ADAMTS7: variants seen among roughly 807,000 people sequenced by gnomAD.
The protein encoded by ADAMTS7 is ADAM metallopeptidase with thrombospondin type 1 motif 7.
Under a neutral mutation model 172.6 loss-of-function variants are expected in ADAMTS7, and 89 were observed. The observed-to-expected ratio is 0.52, with a 90% CI of 0.43 to 0.61. The LOEUF (loss-of-function observed/expected upper bound fraction) is 0.61. ADAMTS7 is among the 20% of genes least tolerant of loss of function. ADAMTS7 has a pLI of 0.00. For missense variants in ADAMTS7, 1,973 were observed against 2,355.6 expected, an observed-to-expected ratio of 0.84 and a Z score of 3.36; for synonymous variants, 885 against 978.4, an observed-to-expected ratio of 0.90 and a Z score of 1.78.
At chr15:78,800,601 T>C in intron 1 of ADAMTS7, 54 bp from the exon 2 acceptor site, 3 of 1,529,644 alleles carry the variant, frequency 2.0e-6, no homozygotes, top group Non-Finnish European at 2.7e-6. Context: ...GGGTCCTTGC[T>C]GGTGGCCGGG....
At chr15:78,784,184 C>T (rs546332308) in intron 8 of ADAMTS7, among the ~76,000 whole-genome samples, 65 of 151,838 alleles carry the variant, frequency 4.3e-4, no homozygotes, top group Admixed American at 4.3e-3. Context: ...ACGGCAAAAC[C>T]CCATCTCTAG....
chr15:78,759,730 G>A, intron 23 of ADAMTS7, 152 bp from the exon 24 acceptor site: 1 of 1,011,426 alleles, frequency 9.9e-7, no homozygotes, highest in Admixed American at 3.1e-5. Flanking sequence ...GGAGTTGCAG[G>A]TCTCCAACTG....
At chr15:78,795,462 G>C (rs1338489877) in intron 4 of ADAMTS7, among the ~76,000 whole-genome samples, 3 of 152,202 alleles carry the variant, frequency 2.0e-5, no homozygotes, top group Admixed American at 2.0e-4. Flanking sequence ...AGCAGGTAGA[G>C]ATAACAGCCC....
chr15:78,786,937 G>T (rs1326498136), intron 8 of ADAMTS7, among the ~76,000 whole-genome samples: 1 of 152,022 alleles, frequency 6.6e-6, no homozygotes, highest in Non-Finnish European at 1.5e-5. Flanking sequence ...ACATGAAGAG[G>T]ATGAGGATCC....
At position 78,776,760 on chromosome 15, in the gene ADAMTS7, C is replaced by G; in HGVS notation, c.1549G>C (p.Gly517Arg). 2 of 1,550,764 alleles carry G rather than the reference C, an allele frequency of 1.3e-6. No individual in the cohort carries two copies. Among genetic ancestry groups the G allele is most frequent in the Non-Finnish European group, 1.7e-6 (2 of 1,146,094 alleles). Residue 517 changes from glycine (G) to arginine (R), a missense_variant, in exon 10 of 24, where the codon GGG becomes CGG. Coordinates refer to ENST00000388820, the MANE Select transcript of ADAMTS7 (RefSeq NM_014272.5). Reference protein sequence around the residue: ...LDAAVDGTRCGENKWCLSGEC... With the variant: ...LDAAVDGTRCRENKWCLSGEC... ...GGGACATCCCCTACCTTATTCTCCC[C>G]ACACCGGGTGCCGTCCACAGCTGCA...
chr15:78,810,427 A>C (rs1220590034), intron 1 of ADAMTS7: 1 of 152,216 alleles, frequency 6.6e-6, no homozygotes, highest in South Asian at 2.1e-4. Context: ...GCCGCCAAAC[A>C]AGAGTCTGGA....
chr15:78,768,837 C>A (rs1052774522), intron 16 of ADAMTS7, among the ~76,000 whole-genome samples: 8 of 149,820 alleles, frequency 5.3e-5, no homozygotes, highest in Admixed American at 2.0e-4. Flanking sequence ...CCAGGCTGGC[C>A]CAGGCTGGGG....
At chr15:78,807,153 C>T (rs1381013104) in intron 1 of ADAMTS7, among the ~76,000 whole-genome samples, 1 of 152,138 alleles carries the variant, frequency 6.6e-6, no homozygotes, top group Non-Finnish European at 1.5e-5. Context: ...AGCTGAAGGT[C>T]AGGGGGGCAC....
intron 1 of ADAMTS7, among the ~76,000 whole-genome samples, chr15:78,800,853 A>T (rs1279176028): frequency 9.2e-5 from 14 of 152,050 alleles, no homozygotes; most frequent in African/African-American, 3.4e-4. Flanking sequence ...GCTCACTGCA[A>T]CCTCCACCTC....
chr15:78,777,634 C>T (rs1301490607), intron 8 of ADAMTS7, 46 bp from the exon 9 acceptor site: 2 of 1,572,408 alleles, frequency 1.3e-6, no homozygotes, highest in East Asian at 2.3e-5. Flanking sequence ...CCTGTGAGAC[C>T]CATCGGAGAA....
chr15:78,798,087 C>G lies in ADAMTS7; in HGVS notation c.483G>C (p.Glu161Asp), dbSNP rs1219037853. The G allele has an allele frequency of 1.3e-6, 2 of 1,559,896 alleles. No individual in the cohort carries two copies. The highest frequency in any genetic ancestry group is 1.7e-6 in the Non-Finnish European group (2 of 1,160,900). The change falls in exon 3 of 24, where the codon GAG becomes GAC. Residue 161 changes from glutamate (E) to aspartate (D), a missense_variant. Physicochemically the swap from Glu to Asp is conservative, Grantham distance 45. Transcript: ENST00000388820. ...TGTCCAGGGGCTCAATGAAGTAGTCCTCGTTGGAGAGCTGGAACACACCTT... is the reference window on the plus strand; with the variant it reads ...TGTCCAGGGGCTCAATGAAGTAGTCGTCGTTGGAGAGCTGGAACACACCTT... The part of the protein sequence containing the change: ...GLKGVFQLSN[E>D]DYFIEPLDSA...
At position 78,777,579 on chromosome 15, in the gene ADAMTS7, C is replaced by T; in HGVS notation, c.1332G>A (p.Trp444Ter). Residue 444 changes from tryptophan (W) to a stop codon, truncating the protein, a stop_gained, in exon 9 of 24, where the codon TGG becomes TGA. Transcript: ENST00000388820. LOFTEE classifies it high-confidence loss of function. The part of the protein sequence containing the change: ...QYITRFLDRG[W>*]GLCLDDPPAK... ...CAGGAGGGTCGTCCAGGCACAGGCC[C>T]CACCCACGGCTAAAGATGGGACGGG... 6.2e-7 allele frequency: 1 copy of T among 1,604,948 alleles called. No individual in the cohort carries two copies. The highest frequency in any genetic ancestry group is 1.1e-5 in the South Asian group (1 of 89,306).
At chr15:78,775,039 CGTGG>C (rs1436468389) in intron 11 of ADAMTS7, among the ~76,000 whole-genome samples, 1 of 152,182 alleles carries the variant, frequency 6.6e-6, no homozygotes, top group Non-Finnish European at 1.5e-5. Context: ...ACAGTGTGAC[CGTGG>C]GCAAGTCTTC....
chr15:78,766,745 C>A lies in ADAMTS7; in HGVS notation c.3166G>T (p.Gly1056Trp), dbSNP rs2055161453. The A allele has an allele frequency of 1.2e-6, 2 of 1,610,564 alleles. No individual in the cohort carries two copies. The highest frequency in any genetic ancestry group is 1.7e-5 in the Admixed American group (1 of 60,004). ...TAGAAGTCGTCCACAAACACGGGCC[C>A]CGGCAGGTCCAGCTCTGGAGCCTCC... ...EEEAPELDLP[G>W]PVFVDDFYYD... The change falls in exon 19 of 24, where the codon GGG becomes TGG. Residue 1056 changes from glycine to tryptophan, a missense_variant. By Grantham distance (184) the Gly-to-Trp change is radical. Transcript: ENST00000388820.
At chr15:78,783,850 G>A (rs2055465482) in intron 8 of ADAMTS7, among the ~76,000 whole-genome samples, 1 of 151,902 alleles carries the variant, frequency 6.6e-6, no homozygotes, top group Admixed American at 6.6e-5. Context: ...TCAGATTTTG[G>A]ACTTTCAGAC....
rs780173798 is a variant in ADAMTS7, at chr15:78,789,763, C to T, written c.1104G>A (p.Pro368=). The change falls in exon 7 of 24, where the codon CCG becomes CCA. Residue 368 remains proline, a synonymous_variant. Transcript: ENST00000388820. ...GLSHVAGMCQ[P]HRSCSINEDT... ...CCTCGTTGATGCTGCAGCTGCGGTG[C>T]GGCTGGCACATGCCCGCCACATGGG... 1.6e-5 allele frequency: 25 copies of T among 1,609,938 alleles called. No individual in the cohort carries two copies. The South Asian group carries it at 1.7e-4, about 11-fold the overall frequency.
intron 8 of ADAMTS7, among the ~76,000 whole-genome samples, chr15:78,779,087 T>C (rs1471434909): frequency 1.3e-5 from 2 of 152,164 alleles, no homozygotes; most frequent in Admixed American, 6.5e-5. Flanking sequence ...CCCCCGGCCC[T>C]GCCCAGAGCT....
rs1479205325 is a variant in ADAMTS7, at chr15:78,800,488, C to T, written c.160G>A (p.Gly54Arg). The T allele has an allele frequency of 1.2e-6, 2 of 1,609,620 alleles. No homozygotes were observed. The highest frequency in any genetic ancestry group is 1.7e-6 in the Non-Finnish European group (2 of 1,178,634). ...DIVHPVRVDA[G>R]GSFLSYELWP... ...AGCTCGTAGGACAGGAAGGAGCCCC[C>T]CGCGTCGACTCGAACCGGGTGCACG... The change falls in exon 2 of 24, where the codon GGG becomes AGG. Residue 54 changes from glycine to arginine, a missense_variant. By Grantham distance (125) the Gly-to-Arg change is moderately radical. Transcript: ENST00000388820.
Position 78,777,602 on chromosome 15 carries a change from G to A in ADAMTS7, c.1323-14C>T, listed in dbSNP as rs375910173. The A allele has an allele frequency of 2.8e-5, 45 of 1,598,316 alleles. 1 individual carries two copies. The highest frequency in any genetic ancestry group is 6.7e-5 in the African/African-American group (5 of 74,662). On this transcript the variant is annotated splice_polypyrimidine_tract_variant and intron_variant, in intron 8 of 23. Transcript: ENST00000388820. Reference sequence around the variant, plus strand: ...CCCCACCCACGGCTAAAGATGGGACGGGAGGATGGAGGGGGGCGCAGCCTG... The same window carrying A: ...CCCCACCCACGGCTAAAGATGGGACAGGAGGATGGAGGGGGGCGCAGCCTG...
Sources: gnomAD v4.1 joint callset for allele counts (sites outside exome capture counted in the v4.1 genomes callset) on GRCh38, gnomAD v4.1.1 for gene constraint, MANE v1.5 for transcripts, NCBI Gene and HGNC (gene_info 2026-07-23, HGNC 2026-07-21) for gene names.